Variants in PEX10 observed in about 807,000 individuals in gnomAD.
PEX10 encodes the protein peroxisomal biogenesis factor 10.
In PEX10, 32 loss-of-function variants were observed where a neutral mutation model predicts 38.0. The observed-to-expected ratio is 0.84, with a 90% CI of 0.63 to 1.13. The LOEUF (loss-of-function observed/expected upper bound fraction) is 1.13. Among genes scored for constraint, PEX10 ranks in the 50% most tolerant of loss-of-function variants. PEX10 has a pLI of 0.00. For synonymous variants in PEX10, 206 were observed against 207.3 expected (o/e 0.99, Z 0.05); for missense variants, 483 against 457.7 (o/e 1.06, Z -0.51).
At chr1:2,411,128 C>T (rs72642198) in intron 1 of PEX10, among the ~76,000 whole-genome samples, 14,480 of 152,178 alleles carry the variant, frequency 0.095, 892 homozygotes, top group Middle Eastern at 0.24. Context: ...CACGACACCC[C>T]CACCACTGGG....
At position 2,404,949 on chromosome 1, in the gene PEX10, C is replaced by T. The variant is rs1397766798; in HGVS notation, c.*817G>A. The stretch of plus-strand genomic sequence containing the variant: ...TGGGGCCGAGCTGAGGGGCTGAACA[C>T]AGCAGTGACCGTGGGTCAGCAGGTC... On this transcript the variant is annotated 3_prime_UTR_variant, in exon 6 of 6. Coordinates refer to ENST00000447513, the MANE Select transcript of PEX10 (RefSeq NM_002617.4). 1 of 154,132 alleles carries T rather than the reference C, an allele frequency of 6.5e-6. No individual in the cohort carries two copies. Among genetic ancestry groups the T allele is most frequent in the African/African-American group, 2.4e-5 (1 of 41,472 alleles). 9.5% of individuals were successfully genotyped at this position (154,132 alleles called of 1,614,324 possible).
Position 2,410,808 on chromosome 1 carries a change from TGCTG to T in PEX10, c.113-361_113-358del, listed in dbSNP as rs1394234672. The stretch of plus-strand genomic sequence containing the variant: ...AGCATCAAAAAGCAGCTCTCCAACT[TGCTG>T]GCTGTGAGGTCTTTCTGGAATCTCA... On this transcript the variant is annotated intron_variant, in intron 1 of 5. Coordinates refer to ENST00000447513, the MANE Select transcript of PEX10 (RefSeq NM_002617.4). The surrounding 1 kb of genome is among the most constrained non-coding windows in gnomAD (Gnocchi z 5.1). The T allele has an allele frequency of 4.2e-6, 2 of 470,940 alleles. No individual in the cohort carries two copies. Among genetic ancestry groups the T allele is most frequent in the Non-Finnish European group, 8.4e-6 (2 of 236,884 alleles). 29.2% of individuals were successfully genotyped at this position (470,940 alleles called of 1,614,324 possible).
rs1033566033 is a variant in PEX10, at chr1:2,409,041, A to C, written c.194-183T>G. Among the ~76,000 whole-genome samples the C allele has an allele frequency of 2.6e-5, 4 of 152,022 alleles. No individual in the cohort carries two copies. The highest frequency in any genetic ancestry group is 3.2e-3 in the Middle Eastern group (1 of 316). Reference sequence around the variant, plus strand: ...ACCTTCTGTCGCTAAGCCCACTGTGAGCTCAGGCAGCACATGACAGGCCCG... The same window carrying C: ...ACCTTCTGTCGCTAAGCCCACTGTGCGCTCAGGCAGCACATGACAGGCCCG... On this transcript the variant is annotated intron_variant, in intron 2 of 5. Coordinates refer to ENST00000447513, the MANE Select transcript of PEX10 (RefSeq NM_002617.4). The surrounding 1 kb of genome is among the most constrained non-coding windows in gnomAD (Gnocchi z 6.2).
In PEX10 at chr1:2,408,315, C is replaced by T. The variant is rs546573745; in HGVS notation, c.600+137G>A. On this transcript the variant is annotated intron_variant, in intron 3 of 5. Coordinates refer to ENST00000447513, the MANE Select transcript of PEX10 (RefSeq NM_002617.4). ...TTTTTCCAAGCAGAGGATTTGGGTTCCTGCCTTGACACAGATGCTGGATGT... is the reference window on the plus strand; with the variant it reads ...TTTTTCCAAGCAGAGGATTTGGGTTTCTGCCTTGACACAGATGCTGGATGT... 2.3e-4 allele frequency: 222 copies of T among 958,544 alleles called. 1 individual carries two copies. The African/African-American group carries it at 3.1e-3, about 13-fold the overall frequency. 59.4% of individuals were successfully genotyped at this position (958,544 alleles called of 1,614,324 possible).
rs553718951 is a variant in PEX10, at chr1:2,409,027, C to T, written c.194-169G>A. On this transcript the variant is annotated intron_variant, in intron 2 of 5. Transcript: ENST00000447513. This position sits in a 1 kb window ranked among gnomAD's most constrained non-coding sequence, Gnocchi z 6.2. ...CTGAGGCCAACATGACCTTCTGTCG[C>T]TAAGCCCACTGTGAGCTCAGGCAGC... is the stretch of plus-strand genomic sequence containing the variant. 1.8e-4 allele frequency among the ~76,000 whole-genome samples: 27 copies of T among 152,320 alleles called. No individual in the cohort carries two copies. In the South Asian group the frequency reaches 5.6e-3, roughly 32 times the overall value.
intron 1 of PEX10, among the ~76,000 whole-genome samples, chr1:2,411,826 A>AT (rs928346395): frequency 6.6e-6 from 1 of 152,170 alleles, no homozygotes; most frequent in African/African-American, 2.4e-5. Context: ...GTGCTGCTTC[A>AT]TTGAGTACAC....
At chr1:2,405,955 C>A in intron 5 of PEX10, 121 bp from the exon 6 acceptor site, 1 of 824,848 alleles carries the variant, frequency 1.2e-6, no homozygotes, top group Non-Finnish European at 1.9e-6. Flanking sequence ...TGTTGTATTT[C>A]CTTCAACTAA....
chr1:2,413,204 C>A (rs1376713334), upstream of PEX10, among the ~76,000 whole-genome samples: 1 of 152,226 alleles, frequency 6.6e-6, no homozygotes, highest in Non-Finnish European at 1.5e-5. Context: ...TGGACGCCCC[C>A]CTGGTGCCCA....
chr1:2,406,339 TG>T, intron 5 of PEX10, 144 bp downstream of exon 5: 1 of 1,069,046 alleles, frequency 9.4e-7, no homozygotes, highest in Non-Finnish European at 1.4e-6. Context: ...CTGACCTACC[TG>T]GGAGCCTTTA....
At chr1:2,406,060 G>A (rs1012700566) in intron 5 of PEX10, among the ~76,000 whole-genome samples, 6 of 152,344 alleles carry the variant, frequency 3.9e-5, no homozygotes, top group East Asian at 1.9e-4. Flanking sequence ...GGGCTCGGCC[G>A]GGAGGTTCCC....
In PEX10 at chr1:2,409,837, A is replaced by C; in HGVS notation, c.193+534T>G. 1 of 161,656 alleles carries C rather than the reference A, an allele frequency of 6.2e-6. No homozygotes were observed. Among genetic ancestry groups the C allele is most frequent in the Non-Finnish European group, 1.4e-5 (1 of 73,546 alleles). 10.0% of individuals were successfully genotyped at this position (161,656 alleles called of 1,614,324 possible). ...CCAAGATGCTCTGTGACGCAGCCAC[A>C]TCTGTCTCCCGCCCACCGAGCACAC... On this transcript the variant is annotated intron_variant, in intron 2 of 5. Transcript: ENST00000447513. This position sits in a 1 kb window ranked among gnomAD's most constrained non-coding sequence, Gnocchi z 6.2.
At chr1:2,412,339 G>A in intron 1 of PEX10, 52 bp downstream of exon 1, 1 of 1,316,098 alleles carries the variant, frequency 7.6e-7, no homozygotes, top group Non-Finnish European at 9.7e-7. Flanking sequence ...TCCATGAGGG[G>A]CAACACCCCC....
rs1366363919 is a variant in PEX10 at position 2,405,405 on chromosome 1, C to A, written c.*361G>T. 4 of 402,416 alleles carry A rather than the reference C, an allele frequency of 9.9e-6. No individual in the cohort carries two copies. The highest frequency in any genetic ancestry group is 2.1e-5 in the South Asian group (1 of 47,820). The allele number at this position is 402,416 out of a possible 1,614,324, so 24.9% of individuals were successfully genotyped here. A position where few individuals can be genotyped will look rare whatever the true frequency, so the allele number is the denominator to read the frequency against. On this transcript the variant is annotated 3_prime_UTR_variant, in exon 6 of 6. Coordinates refer to ENST00000447513, the MANE Select transcript of PEX10 (RefSeq NM_002617.4). ...CAAGCCTGATGGGGCTGTTTTCTCA[C>A]AATATAAACGAATAAAGTGTCTTCT... is the stretch of plus-strand genomic sequence containing the variant.
intron 3 of PEX10, 142 bp from the exon 4 acceptor site, chr1:2,407,037 G>A (rs1192678230): frequency 3.2e-5 from 38 of 1,198,738 alleles, no homozygotes; most frequent in Middle Eastern, 1.9e-4. Context: ...CGGCAGAAAC[G>A]ATCAAGCCAG....
Position 2,410,519 on chromosome 1 carries a change from C to A in PEX10, c.113-68G>T. 2.9e-6 allele frequency: 4 copies of A among 1,399,958 alleles called. No individual in the cohort carries two copies. The highest frequency in any genetic ancestry group is 3.6e-5 in the Admixed American group (2 of 55,754). The allele number at this position is 1,399,958 out of a possible 1,614,324, so 86.7% of individuals were successfully genotyped here. A position where few individuals can be genotyped will look rare whatever the true frequency, so the allele number is the denominator to read the frequency against. ...TCCTCTGAGGATGAGGGACCACAGT[C>A]CTCCCCCAGTTGTCTAGGCCCAGAT... is the stretch of plus-strand genomic sequence containing the variant. On this transcript the variant is annotated intron_variant, in intron 1 of 5. Transcript: ENST00000447513. This position sits in a 1 kb window ranked among gnomAD's most constrained non-coding sequence, Gnocchi z 5.1.
rs775404235 is a variant in PEX10, at chr1:2,404,039, C to G, written c.*1727G>C. 3 of 152,246 alleles carry G rather than the reference C, an allele frequency of 2.0e-5. No individual in the cohort carries two copies. Among genetic ancestry groups the G allele is most frequent in the Non-Finnish European group, 4.4e-5 (3 of 68,052 alleles). 9.4% of individuals were successfully genotyped at this position (152,246 alleles called of 1,614,324 possible). A position where few individuals can be genotyped will look rare whatever the true frequency, so the allele number is the denominator to read the frequency against. On this transcript the variant is annotated 3_prime_UTR_variant, in exon 6 of 6. Transcript: ENST00000447513. ...ATGGCAGTCGCTGGACACAGGAAAG[C>G]CCACCTTTTGTTTGGCCTTTTCGAA... is the stretch of plus-strand genomic sequence containing the variant.
At chr1:2,405,944 ATGT>A (rs1340866990) in intron 5 of PEX10, 110 bp from the exon 6 acceptor site, 21 of 861,864 alleles carry the variant, frequency 2.4e-5, no homozygotes, top group Admixed American at 8.6e-5. Flanking sequence ...CACAACATAA[ATGT>A]TGTATTTCCT....
chr1:2,408,023 C>T (rs555275465), intron 3 of PEX10, among the ~76,000 whole-genome samples: 62 of 109,434 alleles, frequency 5.7e-4, no homozygotes, highest in Admixed American at 1.1e-3. Context: ...CAGGCAGGGG[C>T]GAGGGGTGAG....
rs1032560766 is a variant in PEX10, at chr1:2,410,282, C to T, written c.193+89G>A. On this transcript the variant is annotated intron_variant, in intron 2 of 5. Coordinates refer to ENST00000447513, the MANE Select transcript of PEX10 (RefSeq NM_002617.4). The surrounding 1 kb of genome is among the most constrained non-coding windows in gnomAD (Gnocchi z 5.1). ...TCACCCGGGCCAGCTCCAGGAGCTT[C>T]TCACACTGCCTGGCAGCCCCCTGGC... The T allele has an allele frequency of 9.4e-6, 11 of 1,169,264 alleles. No homozygotes were observed. In the African/African-American group the frequency reaches 1.2e-4, roughly 13 times the overall value. 72.4% of individuals were successfully genotyped at this position (1,169,264 alleles called of 1,614,324 possible).
Sources: allele counts gnomAD v4.1 joint callset (sites outside exome capture counted in the v4.1 genomes callset), GRCh38; gene constraint gnomAD v4.1.1; non-coding constraint Gnocchi (gnomAD v3.1); transcripts MANE v1.5; gene names NCBI Gene and HGNC (gene_info 2026-07-23, HGNC 2026-07-21).